Variants in SCARB2 observed in about 807,000 individuals in gnomAD.
SCARB2 encodes the protein scavenger receptor class B member 2.
A neutral mutation model predicts 58.6 loss-of-function variants in SCARB2; 29 were observed. The ratio of observed to expected loss-of-function variants is 0.49; its 90% CI spans 0.37 to 0.67. The LOEUF is 0.67. Ranked by LOEUF, SCARB2 falls within the 30% of genes least tolerant of loss-of-function variation. SCARB2 has a pLI of 0.00. For synonymous variants in SCARB2, 195 were observed against 210.1 expected (o/e 0.93, Z 0.62); for missense variants, 488 against 578.5 (o/e 0.84, Z 1.60).
intron 1 of SCARB2, 138 bp from the exon 2 acceptor site, chr4:76,196,002 G>A (rs1732704570): frequency 1.6e-6 from 1 of 627,226 alleles, no homozygotes; most frequent in Non-Finnish European, 2.8e-6. Flanking sequence ...TTCAACTGCA[G>A]TCTCCTGAGA....
chr4:76,234,333 A>C (rs77332139), exon 1 of SCARB2: 8,076 of 152,790 alleles, frequency 0.053, 250 homozygotes, highest in Middle Eastern at 0.088. Flanking sequence ...GGGGGTCAAA[A>C]ATGTTGCAGG....
chr4:76,207,545 G>C (rs1732952950), intron 1 of SCARB2, among the ~76,000 whole-genome samples: 1 of 152,222 alleles, frequency 6.6e-6, no homozygotes, highest in Admixed American at 6.5e-5. Flanking sequence ...AGTGCATTTA[G>C]ATATAGAAAG....
chr4:76,203,349 A>T (rs535977937), intron 1 of SCARB2, among the ~76,000 whole-genome samples: 5 of 152,228 alleles, frequency 3.3e-5, no homozygotes, highest in Non-Finnish European at 7.3e-5. Context: ...AGTTTTCATG[A>T]ACTCATCAGC....
intron 1 of SCARB2, among the ~76,000 whole-genome samples, chr4:76,209,145 T>TC (rs1209369210): frequency 3.3e-5 from 5 of 152,176 alleles, no homozygotes; most frequent in African/African-American, 1.2e-4. Flanking sequence ...TTTTTTCTGA[T>TC]CAAGAAAAAT....
chr4:76,187,237 A>G, intron 2 of SCARB2, among the ~76,000 whole-genome samples: 1 of 152,238 alleles, frequency 6.6e-6, no homozygotes. Flanking sequence ...AAATGTTGAA[A>G]AAGAATAGAC....
At chr4:76,171,752 C>T (rs1283114573) in intron 7 of SCARB2, among the ~76,000 whole-genome samples, 1 of 143,350 alleles carries the variant, frequency 7.0e-6, no homozygotes, top group Non-Finnish European at 1.5e-5. Flanking sequence ...ACCAGTAAGG[C>T]AATGGGGGAG....
chr4:76,174,299 G>A lies in SCARB2; in HGVS notation c.839C>T (p.Thr280Ile), dbSNP rs768765087. ...PSDFCRSVYI[T>I]FSDYESVQGL... ...CTGTACACTCTCATAGTCACTGAAA[G>A]TAATATACACTGACCTGTTAGGATG... The change falls in exon 7 of 12, where the codon ACT becomes ATT. Residue 280 changes from threonine (T) to isoleucine (I), a missense_variant. By Grantham distance (89) the Thr-to-Ile change is moderately conservative (BLOSUM62 -1). Coordinates refer to ENST00000264896, the MANE Select transcript of SCARB2 (RefSeq NM_005506.4). 1 of 1,614,134 alleles carries A rather than the reference G, an allele frequency of 6.2e-7. No homozygotes were observed. Among genetic ancestry groups the A allele is most frequent in the Non-Finnish European group, 8.5e-7 (1 of 1,179,972 alleles).
chr4:76,173,636 C>G (rs983431690), intron 7 of SCARB2: 7 of 169,314 alleles, frequency 4.1e-5, no homozygotes, highest in African/African-American at 1.4e-4. Flanking sequence ...CCGTGCCCAG[C>G]CTTAGCATTG....
At chr4:76,165,775 T>TC (rs1553947203) in intron 10 of SCARB2, 8 of 153,048 alleles carry the variant, frequency 5.2e-5, no homozygotes, top group Non-Finnish European at 7.3e-5. Context: ...TTTTTTTTTT[T>TC]CCCTCAAACT....
In SCARB2 at chr4:76,198,062, C is replaced by G. The variant is rs1276547432; in HGVS notation, c.118-2198G>C. On this transcript the variant is annotated intron_variant, in intron 1 of 11. Transcript: ENST00000264896. ...GATGCTGCCTCAGCTGCGGTCTGCT[C>G]TGCTGCAAAGGCCCAGGAGCAGCCG... is the stretch of plus-strand genomic sequence containing the variant. Among the ~76,000 whole-genome samples, 5 of 152,284 alleles carry G rather than the reference C, an allele frequency of 3.3e-5. No homozygotes were observed. The East Asian group carries it at 7.7e-4, about 24-fold the overall frequency.
chr4:76,212,629 G>C (rs1450165150), intron 1 of SCARB2, among the ~76,000 whole-genome samples: 1 of 152,182 alleles, frequency 6.6e-6, no homozygotes, highest in Non-Finnish European at 1.5e-5. Context: ...ATTCTCTTTT[G>C]TTCCTCTTTT....
rs1387313741 is a variant in SCARB2, at chr4:76,161,509, C to T, written c.*204G>A. On this transcript the variant is annotated 3_prime_UTR_variant, in exon 12 of 12. Coordinates refer to ENST00000264896, the MANE Select transcript of SCARB2 (RefSeq NM_005506.4). ...GACACATAAAAGAACAATTTCAGAGCCCACATGATTTTATAAAGCTTAATG... is the reference window on the plus strand; with the variant it reads ...GACACATAAAAGAACAATTTCAGAGTCCACATGATTTTATAAAGCTTAATG... 2 of 608,964 alleles carry T rather than the reference C, an allele frequency of 3.3e-6. No homozygotes were observed. Among genetic ancestry groups the T allele is most frequent in the African/African-American group, 1.9e-5 (1 of 53,962 alleles). The allele number at this position is 608,964 out of a possible 1,614,324, so 37.7% of individuals were successfully genotyped here. A position where few individuals can be genotyped will look rare whatever the true frequency, so the allele number is the denominator to read the frequency against.
chr4:76,206,009 AC>A (rs1469875327), intron 1 of SCARB2, among the ~76,000 whole-genome samples: 1 of 151,922 alleles, frequency 6.6e-6, no homozygotes, highest in Non-Finnish European at 1.5e-5. Context: ...TGATATCCTT[AC>A]CCCCAAGGTG....
chr4:76,163,978 T>C (rs113464411), intron 10 of SCARB2: 3,217 of 159,960 alleles, frequency 0.02, 58 homozygotes, highest in Non-Finnish European at 0.031. Flanking sequence ...GTGGAAAGTA[T>C]AATTTCTTTC....
At chr4:76,227,247 TTTTA>T (rs1211582051) in intron 1 of SCARB2, among the ~76,000 whole-genome samples, 1 of 152,192 alleles carries the variant, frequency 6.6e-6, no homozygotes, top group Non-Finnish European at 1.5e-5. Context: ...TCAAAGAATT[TTTTA>T]AATTTCCATT....
intron 1 of SCARB2, among the ~76,000 whole-genome samples, chr4:76,199,248 C>T (rs1345511878): frequency 2.0e-5 from 3 of 152,220 alleles, no homozygotes; most frequent in Non-Finnish European, 4.4e-5. Flanking sequence ...ACTCACCCAT[C>T]CAGCAGCTGC....
chr4:76,173,995 T>C, intron 7 of SCARB2, 149 bp downstream of exon 7: 1 of 930,820 alleles, frequency 1.1e-6, no homozygotes, highest in Non-Finnish European at 1.7e-6. Flanking sequence ...ACTTGAGAAC[T>C]CCTGGGCTCA....
intron 1 of SCARB2, among the ~76,000 whole-genome samples, chr4:76,228,116 T>G (rs1216361541): frequency 2.6e-5 from 4 of 152,154 alleles, no homozygotes; most frequent in Admixed American, 2.6e-4. Context: ...GTTGTTGTTT[T>G]ATAGGCCCTG....
intron 1 of SCARB2, among the ~76,000 whole-genome samples, chr4:76,209,378 A>AT (rs971401482): frequency 6.6e-5 from 10 of 151,418 alleles, no homozygotes; most frequent in African/African-American, 1.7e-4. Flanking sequence ...TTTTATTTTT[A>AT]TTTTTTTTGA....
Sources: allele counts gnomAD v4.1 joint callset (sites outside exome capture counted in the v4.1 genomes callset), GRCh38; gene constraint gnomAD v4.1.1; transcripts MANE v1.5; gene names NCBI Gene and HGNC (gene_info 2026-07-23, HGNC 2026-07-21).